Variants in SLC22A24 observed in about 807,000 individuals in gnomAD.
The protein encoded by SLC22A24 is steroid transmembrane transporter SLC22A24.
Under a neutral mutation model 49.8 loss-of-function variants are expected in SLC22A24, and 53 were observed. That is an observed-to-expected ratio of 1.06 (90% CI 0.85 to 1.34). SLC22A24 has a LOEUF of 1.34. Among genes scored for constraint, SLC22A24 ranks in the 40% most tolerant of loss-of-function variants. The probability of loss-of-function intolerance (pLI) is 0.00; values close to 1 mark genes in which losing one functional copy is unlikely to be tolerated. For synonymous variants in SLC22A24, 302 were observed against 256.4 expected, an observed-to-expected ratio of 1.18 and a Z score of -1.70; for missense variants, 786 against 675.9, an observed-to-expected ratio of 1.16 and a Z score of -1.81.
rs376936925 is a variant in SLC22A24 at position 63,087,024 on chromosome 11, G to GCGCACACA, written c.1071-3568_1071-3567insTGTGTGCG. Among the ~76,000 whole-genome samples, 226 of 132,624 alleles carry GCGCACACA rather than the reference G, an allele frequency of 1.7e-3. 1 individual carries two copies. The highest frequency in any genetic ancestry group is 2.9e-3 in the Admixed American group (37 of 12,688). 87.0% of individuals were successfully genotyped at this position (132,624 alleles called of 152,430 possible). A position where few individuals can be genotyped will look rare whatever the true frequency, so the allele number is the denominator to read the frequency against. The stretch of plus-strand genomic sequence containing the variant: ...AATTAAGCTTTTCTGCCTGGAGGGC[G>GCGCACACA]CACACACACACACACACACACACAC... On this transcript the variant is annotated intron_variant, in intron 6 of 9. Transcript: ENST00000612278.
At position 63,083,354 on chromosome 11, in the gene SLC22A24, C is replaced by G; in HGVS notation, c.1174G>C (p.Ala392Pro). The change falls in exon 7 of 10, where the codon GCC (alanine) becomes CCC (proline). Residue 392 changes from alanine (A) to proline (P), a missense_variant. Transcript: ENST00000612278. Reference sequence around the variant, plus strand: ...AGTGTCAAAAGGGAAACACATCTGGCTGTGAATGTGACAGCTCCACAGAGA... The same window carrying G: ...AGTGTCAAAAGGGAAACACATCTGGGTGTGAATGTGACAGCTCCACAGAGA... ...QILCGAVTFTARCVSLLTLNH... is the reference protein window; with the variant it reads ...QILCGAVTFTPRCVSLLTLNH... 1.3e-6 allele frequency: 2 copies of G among 1,553,448 alleles called. No homozygotes were observed. Among genetic ancestry groups the G allele is most frequent in the Non-Finnish European group, 1.7e-6 (2 of 1,147,748 alleles).
intron 5 of SLC22A24, among the ~76,000 whole-genome samples, chr11:63,096,683 C>A: frequency 6.6e-6 from 1 of 152,100 alleles, no homozygotes; most frequent in East Asian, 1.9e-4. Flanking sequence ...ATTGCTGGGT[C>A]CCCTCATGAG....
chr11:63,108,438 T>A (rs2087137306), intron 4 of SLC22A24, among the ~76,000 whole-genome samples: 1 of 152,216 alleles, frequency 6.6e-6, no homozygotes, highest in Non-Finnish European at 1.5e-5. Context: ...ATGATGTTGC[T>A]GGCCACATGA....
intron 4 of SLC22A24, among the ~76,000 whole-genome samples, chr11:63,111,007 T>G (rs1342277794): frequency 6.6e-5 from 10 of 152,286 alleles, no homozygotes; most frequent in Non-Finnish European, 1.3e-4. Context: ...GCTCTTATTA[T>G]TTTGAAATAC....
intron 7 of SLC22A24, among the ~76,000 whole-genome samples, chr11:63,083,036 C>G (rs2086968179): frequency 6.6e-6 from 1 of 151,868 alleles, no homozygotes; most frequent in Non-Finnish European, 1.5e-5. Context: ...GTGTCTGAAC[C>G]ATCACGGCTG....
intron 3 of SLC22A24, 23 bp downstream of exon 3, chr11:63,119,158 A>T: frequency 6.5e-7 from 1 of 1,529,016 alleles, no homozygotes; most frequent in Non-Finnish European, 8.8e-7. Context: ...GGAGATGATA[A>T]AATGCTCAAA....
chr11:63,080,966 T>C lies in SLC22A24; in HGVS notation c.1552A>G (p.Thr518Ala). 6.4e-7 allele frequency: 1 copy of C among 1,552,576 alleles called. No homozygotes were observed. The highest frequency in any genetic ancestry group is 8.7e-7 in the Non-Finnish European group (1 of 1,147,580). Reference sequence around the variant, plus strand: ...GTGTTAGGAAGAGGTAGATCCCTGGTTTCTGGAAGGAGGAGGATAACAGGG... The same window carrying C: ...GTGTTAGGAAGAGGTAGATCCCTGGCTTCTGGAAGGAGGAGGATAACAGGG... ...AVPVILLLPE[T>A]RDLPLPNTIQ... is the part of the protein sequence containing the mutation. The change falls in exon 9 of 10, where the codon ACC becomes GCC. Residue 518 changes from threonine to alanine, a missense_variant. Coordinates refer to ENST00000612278, the MANE Select transcript of SLC22A24 (RefSeq NM_001136506.2).
intron 5 of SLC22A24, 96 bp from the exon 6 acceptor site, chr11:63,096,202 A>T: frequency 2.6e-6 from 2 of 763,038 alleles, no homozygotes; most frequent in Non-Finnish European, 4.4e-6. Context: ...CATATTGTAA[A>T]CTATCCTCAA....
Position 63,083,366 on chromosome 11 carries a change from C to G in SLC22A24, c.1162G>C (p.Val388Leu). Reference protein sequence around the residue: ...VSLFQILCGAVTFTARCVSLL... With the variant: ...VSLFQILCGALTFTARCVSLL... ...GAAACACATCTGGCTGTGAATGTGA[C>G]AGCTCCACAGAGAATCTGGAACAGG... Residue 388 changes from valine to leucine, a missense_variant, in exon 7 of 10, where the codon GTC becomes CTC. Transcript: ENST00000612278. 1.9e-6 allele frequency: 3 copies of G among 1,552,420 alleles called. No homozygotes were observed. Among genetic ancestry groups the G allele is most frequent in the Non-Finnish European group, 1.7e-6 (2 of 1,147,272 alleles).
chr11:63,126,675 G>A (rs1348384948), intron 2 of SLC22A24, among the ~76,000 whole-genome samples: 1 of 152,140 alleles, frequency 6.6e-6, no homozygotes, highest in African/African-American at 2.4e-5. Flanking sequence ...GTTTAAAGCA[G>A]TTTTTTCCAA....
rs554057048 is a variant in SLC22A24, at chr11:63,081,699, C to T, written c.1286-33G>A. 94 of 1,440,672 alleles carry T rather than the reference C, an allele frequency of 6.5e-5. 2 individuals carry two copies. In the South Asian group the frequency reaches 1.1e-3, roughly 17 times the overall value. The allele number at this position is 1,440,672 out of a possible 1,614,324, so 89.2% of individuals were successfully genotyped here. ...GAACAGTGAGAATCAGGAAATCTTG[C>T]CTGAAGAAACTTTTCAACCCCCAAA... On this transcript the variant is annotated intron_variant, in intron 7 of 9. Coordinates refer to ENST00000612278, the MANE Select transcript of SLC22A24 (RefSeq NM_001136506.2).
At chr11:63,080,883 A>C in intron 9 of SLC22A24, 37 bp downstream of exon 9, 1 of 1,518,662 alleles carries the variant, frequency 6.6e-7, no homozygotes, top group Non-Finnish European at 8.9e-7. Flanking sequence ...GCACATAGCC[A>C]CTCCCCACTC....
chr11:63,136,133 A>G (rs187022115), intron 1 of SLC22A24, among the ~76,000 whole-genome samples: 80 of 152,300 alleles, frequency 5.3e-4, no homozygotes, highest in African/African-American at 1.8e-3. Context: ...CCATTCCTCA[A>G]TCAGATTGTA....
Position 63,127,507 on chromosome 11 carries a change from C to T in SLC22A24, c.506+7158G>A, listed in dbSNP as rs989067835. 6.6e-5 allele frequency among the ~76,000 whole-genome samples: 10 copies of T among 152,120 alleles called. No homozygotes were observed. The South Asian group carries it at 2.1e-3, about 31-fold the overall frequency. Reference sequence around the variant, plus strand: ...GGGTATATACCCAGGAATGTGATTGCTGGGTCAAATGGTACTTCTAGTTCT... The same window carrying T: ...GGGTATATACCCAGGAATGTGATTGTTGGGTCAAATGGTACTTCTAGTTCT... On this transcript the variant is annotated intron_variant, in intron 2 of 9. Coordinates refer to ENST00000612278, the MANE Select transcript of SLC22A24 (RefSeq NM_001136506.2).
intron 2 of SLC22A24, among the ~76,000 whole-genome samples, chr11:63,121,937 A>G (rs1368350787): frequency 6.6e-6 from 1 of 152,154 alleles, no homozygotes; most frequent in Non-Finnish European, 1.5e-5. Context: ...TTAATAATAA[A>G]CACATGAGAA....
chr11:63,102,860 C>T (rs1287019753), intron 5 of SLC22A24, among the ~76,000 whole-genome samples: 1 of 152,088 alleles, frequency 6.6e-6, no homozygotes, highest in East Asian at 1.9e-4. Context: ...CCTCATGTCT[C>T]TCCCATTTTG....
At chr11:63,138,438 C>T (rs1278490256) in intron 1 of SLC22A24, among the ~76,000 whole-genome samples, 2 of 151,910 alleles carry the variant, frequency 1.3e-5, no homozygotes, top group African/African-American at 2.4e-5. Context: ...GTCAGGAGAT[C>T]AAGACCATCC....
chr11:63,123,033 A>G (rs1279466142), intron 2 of SLC22A24, among the ~76,000 whole-genome samples: 1 of 152,182 alleles, frequency 6.6e-6, no homozygotes, highest in African/African-American at 2.4e-5. Context: ...GTAATCCTAC[A>G]GTGGTATAGA....
At position 63,119,456 on chromosome 11, in the gene SLC22A24, A is replaced by G. The variant is rs1590743557; in HGVS notation, c.507-121T>C. Reference sequence around the variant, plus strand: ...TTTAACAAGTGGAACATGGTGCTTGACACCGGGTGGCATAATTATATTAGT... The same window carrying G: ...TTTAACAAGTGGAACATGGTGCTTGGCACCGGGTGGCATAATTATATTAGT... On this transcript the variant is annotated intron_variant, in intron 2 of 9. Transcript: ENST00000612278. 8 of 945,542 alleles carry G rather than the reference A, an allele frequency of 8.5e-6. No homozygotes were observed. In the East Asian group the frequency reaches 2.1e-4, roughly 25 times the overall value. 58.6% of individuals were successfully genotyped at this position (945,542 alleles called of 1,614,324 possible).
Sources: gnomAD v4.1 joint callset for allele counts (sites outside exome capture counted in the v4.1 genomes callset) on GRCh38, gnomAD v4.1.1 for gene constraint, MANE v1.5 for transcripts, NCBI Gene and HGNC (gene_info 2026-07-23, HGNC 2026-07-21) for gene names.